Variants in MYOF observed in about 807,000 individuals in gnomAD.
MYOF encodes myoferlin.
In MYOF, 244 loss-of-function variants were observed where a neutral mutation model predicts 284.2. That is an observed-to-expected ratio of 0.86 (90% CI 0.77 to 0.95). MYOF has a LOEUF of 0.95. Ranked by LOEUF, MYOF falls within the 40% of genes least tolerant of loss-of-function variation. The pLI, the probability that MYOF is intolerant of heterozygous loss-of-function variation, is 0.00. For synonymous variants in MYOF, 904 were observed against 919.7 expected (o/e 0.98, Z 0.31); for missense variants, 2,496 against 2,560.6 (o/e 0.97, Z 0.54).
At chr10:93,442,607 T>C (rs1200739089) in intron 3 of MYOF, among the ~76,000 whole-genome samples, 1 of 152,202 alleles carries the variant, frequency 6.6e-6, no homozygotes, top group African/African-American at 2.4e-5. Context: ...GAGATTTATA[T>C]TCAGAAACTG....
At position 93,397,401 on chromosome 10, in the gene MYOF, T is replaced by C. The variant is rs1348141600; in HGVS notation, c.1277A>G (p.Asn426Ser). Residue 426 changes from asparagine to serine, a missense_variant, in exon 14 of 54, where the codon AAT becomes AGT. Coordinates refer to ENST00000359263, the MANE Select transcript of MYOF (RefSeq NM_013451.4). ...ATAAAGTCAAACCTTGATCTGAAGA[T>C]TGACGACCTGATTCCACTCTGGGTT... The part of the protein sequence containing the change: ...NANPEWNQVV[N>S]LQIKFPSVCE... 6 of 1,612,028 alleles carry C rather than the reference T, an allele frequency of 3.7e-6. No individual in the cohort carries two copies. In the African/African-American group the frequency reaches 6.7e-5, roughly 18 times the overall value.
chr10:93,353,719 G>T (rs1459005616), intron 32 of MYOF, 92 bp downstream of exon 32: 1 of 1,075,160 alleles, frequency 9.3e-7, no homozygotes, highest in Non-Finnish European at 1.4e-6. Context: ...GGTTTTTGTT[G>T]TTAGAAATGA....
chr10:93,411,284 C>A (rs927816007), intron 5 of MYOF, among the ~76,000 whole-genome samples: 1 of 152,164 alleles, frequency 6.6e-6, no homozygotes. Context: ...AAGGCACCGG[C>A]GGATTCAGTG....
At chr10:93,390,697 G>A (rs1164542776) in intron 17 of MYOF, among the ~76,000 whole-genome samples, 1 of 152,114 alleles carries the variant, frequency 6.6e-6, no homozygotes, top group Non-Finnish European at 1.5e-5. Context: ...CTTTCTGTGT[G>A]CTAGAATATT....
At chr10:93,313,737 C>T (rs1476543046) in intron 50 of MYOF, among the ~76,000 whole-genome samples, 2 of 152,014 alleles carry the variant, frequency 1.3e-5, no homozygotes, top group African/African-American at 4.8e-5. Flanking sequence ...CCCGTCTCTA[C>T]TAAAAATATA....
chr10:93,385,260 C>T (rs2134016873), intron 19 of MYOF, among the ~76,000 whole-genome samples: 1 of 152,292 alleles, frequency 6.6e-6, no homozygotes, highest in South Asian at 2.1e-4. Context: ...GGGTTGGCAA[C>T]ACTTGATCTT....
chr10:93,323,041 C>G lies in MYOF; in HGVS notation c.5456+37G>C, dbSNP rs17108468. On this transcript the variant is annotated intron_variant, in intron 48 of 53. Coordinates refer to ENST00000359263, the MANE Select transcript of MYOF (RefSeq NM_013451.4). ...ACTCACGAAGGAGAGAGTCTGTTTC[C>G]CTGAGCTTGGCAAAGTCTCTCACAT... 8.5e-3 allele frequency: 13,332 copies of G among 1,570,718 alleles called. 1,022 individuals are homozygous for G. In the African/African-American group the frequency reaches 0.16, roughly 19 times the overall value.
chr10:93,408,758 G>A (rs779833059), intron 7 of MYOF, 29 bp downstream of exon 7: 2 of 1,613,686 alleles, frequency 1.2e-6, no homozygotes, highest in South Asian at 2.2e-5. Context: ...GGACTCATGA[G>A]CAGAAACATG....
intron 5 of MYOF, 30 bp downstream of exon 5, chr10:93,426,041 G>T: frequency 6.5e-7 from 1 of 1,546,236 alleles, no homozygotes; most frequent in Non-Finnish European, 8.7e-7. Flanking sequence ...CCCCCTGGGG[G>T]TGGCTGGGCC....
chr10:93,373,174 G>C (rs1845669807), intron 23 of MYOF, 89 bp from the exon 24 acceptor site: 1 of 1,484,272 alleles, frequency 6.7e-7, no homozygotes, highest in Non-Finnish European at 9.3e-7. Context: ...TGGACCCTCA[G>C]GGATTCATTT....
At chr10:93,442,941 A>G (rs2056313522) in intron 3 of MYOF, among the ~76,000 whole-genome samples, 1 of 152,126 alleles carries the variant, frequency 6.6e-6, no homozygotes, top group Admixed American at 6.6e-5. Flanking sequence ...GGCGGGTCAC[A>G]TGAGGCCAGG....
At chr10:93,363,812 G>T in intron 27 of MYOF, 149 bp downstream of exon 27, 1 of 583,884 alleles carries the variant, frequency 1.7e-6, no homozygotes, top group Non-Finnish European at 3.0e-6. Flanking sequence ...TGTGGCACTT[G>T]TGTGGCTTAA....
intron 43 of MYOF, among the ~76,000 whole-genome samples, chr10:93,331,210 G>A (rs1843282120): frequency 6.6e-6 from 1 of 152,138 alleles, no homozygotes; most frequent in Non-Finnish European, 1.5e-5. Flanking sequence ...CATAGGAAAG[G>A]TTGTTCCTTC....
In MYOF at chr10:93,364,015, C is replaced by G; in HGVS notation, c.2814G>C (p.Glu938Asp). Residue 938 changes from glutamate to aspartate, a missense_variant, in exon 27 of 54, where the codon GAG (glutamate) becomes GAC (aspartate). Glu to Asp is a conservative substitution (Grantham distance 45). This residue lies in a region of MYOF where 2,436 missense variants were observed against 2,480.7 expected (regional missense o/e 0.98). Coordinates refer to ENST00000359263, the MANE Select transcript of MYOF (RefSeq NM_013451.4). ...TCCAGTCGCCCCCGGGGTAGCGGCTCTCGTTCTGATAGACTTCATCAGTGA... is the reference window on the plus strand; with the variant it reads ...TCCAGTCGCCCCCGGGGTAGCGGCTGTCGTTCTGATAGACTTCATCAGTGA... ...TEFTDEVYQN[E>D]SRYPGGDWKP... 2 of 1,614,198 alleles carry G rather than the reference C, an allele frequency of 1.2e-6. No homozygotes were observed. Among genetic ancestry groups the G allele is most frequent in the Non-Finnish European group, 1.7e-6 (2 of 1,180,034 alleles).
chr10:93,439,633 T>C (rs2056184551), intron 3 of MYOF, among the ~76,000 whole-genome samples: 2 of 152,242 alleles, frequency 1.3e-5, no homozygotes, highest in South Asian at 4.1e-4. Flanking sequence ...GAGCTTCAGT[T>C]TCCTCATCTA....
chr10:93,338,509 TG>T (rs1195839288), intron 39 of MYOF: 1 of 456,888 alleles, frequency 2.2e-6, no homozygotes, highest in African/African-American at 2.0e-5. Flanking sequence ...AGCATTCACA[TG>T]CTGCCTTCAT....
chr10:93,389,836 G>A (rs550813807), intron 17 of MYOF, among the ~76,000 whole-genome samples: 168 of 152,244 alleles, frequency 1.1e-3, no homozygotes, highest in Non-Finnish European at 2.9e-4. Context: ...GGGAAACTGC[G>A]GGTGAGGGTG....
intron 3 of MYOF, among the ~76,000 whole-genome samples, chr10:93,450,154 G>A (rs1417822920): frequency 6.6e-6 from 1 of 152,110 alleles, no homozygotes; most frequent in African/African-American, 2.4e-5. Context: ...AGCACTTTGG[G>A]AAGCCGAGGC....
intron 26 of MYOF, among the ~76,000 whole-genome samples, chr10:93,365,733 C>G (rs1227774977): frequency 2.0e-5 from 3 of 152,150 alleles, no homozygotes; most frequent in African/African-American, 7.2e-5. Context: ...CACTGACTAC[C>G]TTTGTTATGG....
Sources: allele counts gnomAD v4.1 joint callset (sites outside exome capture counted in the v4.1 genomes callset), GRCh38; gene constraint gnomAD v4.1.1; regional missense constraint gnomAD v4.1.1; transcripts MANE v1.5; gene names NCBI Gene and HGNC (gene_info 2026-07-23, HGNC 2026-07-21).